EMX1: variants seen among roughly 807,000 people sequenced by gnomAD.
EMX1 encodes the protein homeobox protein EMX1.
Under a neutral mutation model 20.1 loss-of-function variants are expected in EMX1, and 10 were observed. The observed-to-expected ratio is 0.50, with a 90% CI of 0.31 to 0.84. EMX1 has a LOEUF of 0.84. Among genes scored for constraint, EMX1 ranks in the 40% least tolerant of loss-of-function variants. EMX1 has a pLI of 0.05. For missense variants in EMX1, 424 were observed against 431.9 expected, an observed-to-expected ratio of 0.98 and a Z score of 0.16; for synonymous variants, 250 against 200.4, an observed-to-expected ratio of 1.25 and a Z score of -2.09.
At chr2:72,931,246 T>G (rs1671275199) in intron 2 of EMX1, among the ~76,000 whole-genome samples, 1 of 152,198 alleles carries the variant, frequency 6.6e-6, no homozygotes, top group Admixed American at 6.5e-5. Flanking sequence ...AAGCTTTCCT[T>G]CTTTGAGCCA....
intron 1 of EMX1, chr2:72,923,797 T>C (rs1334016992): frequency 9.5e-6 from 2 of 209,478 alleles, no homozygotes; most frequent in Admixed American, 1.1e-4. Flanking sequence ...AGCACCCCGC[T>C]GCTCCCCTTA....
chr2:72,934,008 C>G lies in EMX1; in HGVS notation c.*54C>G. On this transcript the variant is annotated 3_prime_UTR_variant, in exon 3 of 3. Coordinates refer to ENST00000258106, the MANE Select transcript of EMX1 (RefSeq NM_004097.3). The stretch of plus-strand genomic sequence containing the variant: ...GAGTGCTGCTTGCTGCTGGCCAGGC[C>G]CCTGCGTGGGCCCAAGCTGGACTCT... 6.2e-7 allele frequency: 1 copy of G among 1,603,960 alleles called. No individual in the cohort carries two copies. The highest frequency in any genetic ancestry group is 1.1e-5 in the South Asian group (1 of 89,606).
chr2:72,918,328 AC>A lies in EMX1; in HGVS notation c.480del (p.Trp161GlyfsTer76). On this transcript the variant is annotated frameshift_variant, in exon 1 of 3. Coordinates refer to ENST00000258106, the MANE Select transcript of EMX1 (RefSeq NM_004097.3). LOFTEE classifies it high-confidence loss of function. ...CAGCACCGGGACCCTCTCCATTTCT[AC>A]CCCTGGGTCCTGCGGAACCGCTTCT... ...GAQHRDPLHF[Y>X]PWVLRNRFFG... The A allele has an allele frequency of 6.5e-7, 1 of 1,544,580 alleles. No individual in the cohort carries two copies. Among genetic ancestry groups the A allele is most frequent in the Non-Finnish European group, 8.6e-7 (1 of 1,157,234 alleles).
chr2:72,919,923 G>C (rs983351263), intron 1 of EMX1, among the ~76,000 whole-genome samples: 25 of 152,230 alleles, frequency 1.6e-4, no homozygotes, highest in African/African-American at 5.3e-4. Flanking sequence ...CCGAAGCCTG[G>C]GTCTCGAAAC....
At chr2:72,919,733 G>T (rs1023143859) in intron 1 of EMX1, among the ~76,000 whole-genome samples, 4 of 151,704 alleles carry the variant, frequency 2.6e-5, no homozygotes, top group Non-Finnish European at 2.9e-5. Flanking sequence ...GTTGTGGGTA[G>T]CCTTGCCTCC....
intron 2 of EMX1, chr2:72,925,550 G>C (rs200650185): frequency 7.8e-7 from 1 of 1,287,942 alleles, no homozygotes; most frequent in East Asian, 5.6e-5. Flanking sequence ...GGCCGGCTCC[G>C]CGGTCTCCCA....
rs553056149 is a variant in EMX1 at position 72,926,169 on chromosome 2, T to C, written c.705+1676T>C. ...CCTACCACCCACAGATTAACACTTG[T>C]TGAAATAATGTCATTGTTTTTAAAC... On this transcript the variant is annotated intron_variant, in intron 2 of 2. Coordinates refer to ENST00000258106, the MANE Select transcript of EMX1 (RefSeq NM_004097.3). 76 of 985,402 alleles carry C rather than the reference T, an allele frequency of 7.7e-5. No individual in the cohort carries two copies. The African/African-American group carries it at 1.1e-3, about 14-fold the overall frequency. The allele number at this position is 985,402 out of a possible 1,614,324, so 61.0% of individuals were successfully genotyped here.
At chr2:72,916,898 G>T (rs1670973856), upstream of EMX1, 3 of 717,394 alleles carry the variant, frequency 4.2e-6, no homozygotes, top group Non-Finnish European at 7.8e-6. Flanking sequence ...GCTGGAGGGT[G>T]GCAGTGGGAC....
At chr2:72,920,599 A>T (rs938338127) in intron 1 of EMX1, among the ~76,000 whole-genome samples, 3 of 152,122 alleles carry the variant, frequency 2.0e-5, no homozygotes, top group Admixed American at 1.3e-4. Context: ...AGCGATGCTC[A>T]TTTCAGCCCC....
intron 1 of EMX1, among the ~76,000 whole-genome samples, chr2:72,920,516 G>C (rs1353729605): frequency 6.6e-6 from 1 of 152,150 alleles, no homozygotes; most frequent in Admixed American, 6.5e-5. Context: ...CTCCAGTCCC[G>C]GCCAGGCCTC....
upstream of EMX1, chr2:72,916,463 G>A (rs1670963801): frequency 5.1e-5 from 30 of 583,246 alleles, no homozygotes; most frequent in South Asian, 5.9e-4. Context: ...CTAGGCCTCG[G>A]AGCGGCGCCT....
At chr2:72,923,408 G>A (rs538660409) in intron 1 of EMX1, 1 of 152,242 alleles carries the variant, frequency 6.6e-6, no homozygotes, top group South Asian at 2.1e-4. Flanking sequence ...TCTTTAGCAA[G>A]GGACTATTCA....
Position 72,918,027 on chromosome 2 carries a change from A to ACTGGCGGCGGGGGCG in EMX1, c.177_191dup (p.Gly61_Gly65dup). The ACTGGCGGCGGGGGCG allele has an allele frequency of 1.4e-6, 2 of 1,426,830 alleles. No individual in the cohort carries two copies. Among genetic ancestry groups the ACTGGCGGCGGGGGCG allele is most frequent in the Non-Finnish European group, 1.8e-6 (2 of 1,099,648 alleles). 88.4% of individuals were successfully genotyped at this position (1,426,830 alleles called of 1,614,324 possible). A position where few individuals can be genotyped will look rare whatever the true frequency, so the allele number is the denominator to read the frequency against. The stretch of plus-strand genomic sequence containing the variant: ...CAAGGACGGCGGCACCGGCGGGGGC[A>ACTGGCGGCGGGGGCG]CTGGCGGCGGGGGCGCGGGCTCCCA... On this transcript the variant is annotated inframe_insertion, in exon 1 of 3. Transcript: ENST00000258106.
chr2:72,925,010 C>T (rs756918342), intron 2 of EMX1, among the ~76,000 whole-genome samples: 4 of 152,252 alleles, frequency 2.6e-5, no homozygotes, highest in Non-Finnish European at 5.9e-5. Flanking sequence ...GGGGAGAAAG[C>T]CCAGGTGTCC....
intron 1 of EMX1, among the ~76,000 whole-genome samples, chr2:72,920,856 A>T (rs1361313178): frequency 6.6e-6 from 1 of 152,190 alleles, no homozygotes; most frequent in East Asian, 1.9e-4. Flanking sequence ...TTTCCCCGAG[A>T]TCAGGAACTT....
At chr2:72,919,674 C>T (rs1369584674) in intron 1 of EMX1, among the ~76,000 whole-genome samples, 1 of 152,222 alleles carries the variant, frequency 6.6e-6, no homozygotes, top group Non-Finnish European at 1.5e-5. Flanking sequence ...TAGATGCTGA[C>T]CTGGCAGATA....
intron 2 of EMX1, among the ~76,000 whole-genome samples, chr2:72,927,139 T>G (rs1434513672): frequency 1.3e-5 from 2 of 152,252 alleles, no homozygotes; most frequent in African/African-American, 4.8e-5. Context: ...TATTTCCGAT[T>G]TTCTATTAGT....
At chr2:72,926,705 A>G (rs1037559936) in intron 2 of EMX1, among the ~76,000 whole-genome samples, 3 of 152,288 alleles carry the variant, frequency 2.0e-5, no homozygotes, top group Middle Eastern at 3.4e-3. Flanking sequence ...TATGAGCTCA[A>G]ATAATATTAA....
chr2:72,919,180 TACACACACACACACACACACACACAC>T (rs70963149), intron 1 of EMX1, among the ~76,000 whole-genome samples: 2 of 142,614 alleles, frequency 1.4e-5, no homozygotes, highest in Non-Finnish European at 3.1e-5. Context: ...CCACTGGCCC[TACACACACACACACACACACACACAC>T]ACACACACAC....
Sources: gnomAD v4.1 joint callset for allele counts (sites outside exome capture counted in the v4.1 genomes callset) on GRCh38, gnomAD v4.1.1 for gene constraint, MANE v1.5 for transcripts, NCBI Gene and HGNC (gene_info 2026-07-23, HGNC 2026-07-21) for gene names.